The following OLFML2B variants were observed in gnomAD, a reference collection of about 807,000 sequenced individuals.
OLFML2B encodes the protein olfactomedin-like protein 2B.
In OLFML2B, 57 loss-of-function variants were observed where a neutral mutation model predicts 74.9. The ratio of observed to expected loss-of-function variants is 0.76; its 90% CI spans 0.61 to 0.95. The LOEUF is 0.95. OLFML2B is among the 40% of genes least tolerant of loss of function. The pLI is 0.00. For synonymous variants in OLFML2B, 388 were observed against 405.8 expected, an observed-to-expected ratio of 0.96 and a Z score of 0.53; for missense variants, 986 against 970.6, an observed-to-expected ratio of 1.02 and a Z score of -0.21.
At chr1:161,985,874 G>C (rs1386303331) in intron 6 of OLFML2B, among the ~76,000 whole-genome samples, 1 of 152,206 alleles carries the variant, frequency 6.6e-6, no homozygotes, top group African/African-American at 2.4e-5. Context: ...ACGTCCTTCT[G>C]AGTGGCTCTG....
chr1:161,991,751 T>A (rs1689748718), intron 6 of OLFML2B, among the ~76,000 whole-genome samples: 1 of 152,224 alleles, frequency 6.6e-6, no homozygotes, highest in Non-Finnish European at 1.5e-5. Context: ...ATAATTTCTT[T>A]TTCTGAGCAG....
At chr1:161,994,534 G>C (rs1312153940) in intron 6 of OLFML2B, among the ~76,000 whole-genome samples, 1 of 152,196 alleles carries the variant, frequency 6.6e-6, no homozygotes, top group Non-Finnish European at 1.5e-5. Flanking sequence ...AAATGCATCA[G>C]GAATTGTAGT....
At chr1:161,988,163 T>A (rs555399352) in intron 6 of OLFML2B, among the ~76,000 whole-genome samples, 20 of 152,320 alleles carry the variant, frequency 1.3e-4, no homozygotes, top group African/African-American at 4.8e-4. Flanking sequence ...AGGATGCCGG[T>A]GACACTGACA....
At chr1:162,005,310 C>G (rs4657133) in intron 4 of OLFML2B, among the ~76,000 whole-genome samples, 1 of 152,180 alleles carries the variant, frequency 6.6e-6, no homozygotes, top group Non-Finnish European at 1.5e-5. Context: ...TGGGTAACTT[C>G]GTGCTAGGGA....
rs1346925350 is a variant in OLFML2B, at chr1:161,983,897, G to A, written c.2031C>T (p.Phe677=). Residue 677 remains phenylalanine, a synonymous_variant, in exon 8 of 8, where the codon TTC becomes TTT. Coordinates refer to ENST00000294794, the MANE Select transcript of OLFML2B (RefSeq NM_015441.3). Reference sequence around the variant, plus strand: ...CGGCATACAGCACCCCACAGATGACGAAGCAGTTGCCGTAGAAATTCCTCC... The same window carrying A: ...CGGCATACAGCACCCCACAGATGACAAAGCAGTTGCCGTAGAAATTCCTCC... ...GLRRNFYGNC[F]VICGVLYAVD... is the part of the protein sequence containing the mutation. 7 of 1,614,094 alleles carry A rather than the reference G, an allele frequency of 4.3e-6. No homozygotes were observed. In the African/African-American group the frequency reaches 5.3e-5, roughly 12 times the overall value.
intron 6 of OLFML2B, chr1:161,985,297 T>C (rs575844865): frequency 6.0e-4 from 145 of 240,710 alleles, no homozygotes; most frequent in African/African-American, 3.1e-3. Context: ...CATGCCCTCC[T>C]CTGGAGAACT....
chr1:162,023,138 C>T (rs1241101738), intron 1 of OLFML2B, 119 bp downstream of exon 1: 1 of 942,664 alleles, frequency 1.1e-6, no homozygotes, highest in Non-Finnish European at 1.5e-6. Flanking sequence ...AAATCAAAAG[C>T]CCTTTCCATT....
chr1:161,992,103 A>G (rs1689758172), intron 6 of OLFML2B, among the ~76,000 whole-genome samples: 2 of 152,252 alleles, frequency 1.3e-5, no homozygotes, highest in Non-Finnish European at 2.9e-5. Flanking sequence ...ACCTTCATCA[A>G]CAATCTTAGC....
chr1:162,017,504 A>C lies in OLFML2B; in HGVS notation c.442T>G (p.Ser148Ala). 1 of 1,610,008 alleles carries C rather than the reference A, an allele frequency of 6.2e-7. No individual in the cohort carries two copies. Among genetic ancestry groups the C allele is most frequent in the Non-Finnish European group, 8.5e-7 (1 of 1,178,258 alleles). ...READSQDLKLSTIIDMLEGAF... is the reference protein window; with the variant it reads ...READSQDLKLATIIDMLEGAF... ...CCTTCCAACATGTCTATGATTGTGG[A>C]GAGCTATGAAACAAGGCAAGGGGTT... Residue 148 changes from serine to alanine, a missense_variant, in exon 3 of 8, where the codon TCC (serine) becomes GCC (alanine). Physicochemically the swap from Ser to Ala is moderately conservative, Grantham distance 99. Coordinates refer to ENST00000294794, the MANE Select transcript of OLFML2B (RefSeq NM_015441.3).
At chr1:161,985,228 G>C (rs1689559560) in intron 6 of OLFML2B, 1 of 409,368 alleles carries the variant, frequency 2.4e-6, no homozygotes, top group African/African-American at 2.0e-5. Context: ...CTTTGCTCCT[G>C]TTCTGACTTC....
At position 162,020,100 on chromosome 1, in the gene OLFML2B, C is replaced by T. The variant is rs375915194; in HGVS notation, c.257G>A (p.Arg86Gln). Residue 86 changes from arginine to glutamine, a missense_variant, in exon 2 of 8, where the codon CGG (arginine) becomes CAG (glutamine). Coordinates refer to ENST00000294794, the MANE Select transcript of OLFML2B (RefSeq NM_015441.3). The part of the protein sequence containing the change: ...QCKCVVRPLG[R>Q]DACQRINAGA... ...CGCATTGATCCTCTGGCAGGCATCC[C>T]GGCCCAGGGGTCTCACCACACACTT... is the stretch of plus-strand genomic sequence containing the variant. 1.5e-4 allele frequency: 235 copies of T among 1,614,060 alleles called. 1 individual carries two copies. The highest frequency in any genetic ancestry group is 2.1e-4 in the African/African-American group (16 of 74,912).
chr1:162,009,965 CT>C lies in OLFML2B; in HGVS notation c.547-3493del, dbSNP rs550015982. 7.9e-5 allele frequency among the ~76,000 whole-genome samples: 12 copies of C among 152,370 alleles called. No homozygotes were observed. The South Asian group carries it at 2.3e-3, about 29-fold the overall frequency. On this transcript the variant is annotated intron_variant, in intron 3 of 7. Transcript: ENST00000294794. ...GACCTCATGCCTCAGGCTCTTCCCC[CT>C]GGGACAGCTGCAACCATGACATTTC...
rs1397019717 is a variant in OLFML2B, at chr1:161,983,736, C to T, written c.2192G>A (p.Arg731His). 3.1e-6 allele frequency: 5 copies of T among 1,613,824 alleles called. No individual in the cohort carries two copies. The highest frequency in any genetic ancestry group is 1.1e-5 in the South Asian group (1 of 91,062). Residue 731 changes from arginine (R) to histidine (H), a missense_variant, in exon 8 of 8, where the codon CGC (arginine) becomes CAC (histidine). Coordinates refer to ENST00000294794, the MANE Select transcript of OLFML2B (RefSeq NM_015441.3). ...TTQIDYNPKD[R>H]LLYAWDNGHQ... is the part of the protein sequence containing the mutation. ...GCCATTGTCCCAGGCATAGAGCAGG[C>T]GGTCCTTGGGGTTGTAGTCTATCTG...
chr1:162,016,137 G>A (rs1248868923), intron 3 of OLFML2B, among the ~76,000 whole-genome samples: 1 of 152,208 alleles, frequency 6.6e-6, no homozygotes, highest in Non-Finnish European at 1.5e-5. Flanking sequence ...CTTTGTGCCA[G>A]CTATCCTGGC....
intron 4 of OLFML2B, among the ~76,000 whole-genome samples, chr1:162,002,596 A>T (rs1243347818): frequency 6.6e-6 from 1 of 152,154 alleles, no homozygotes; most frequent in African/African-American, 2.4e-5. Flanking sequence ...ACCCCCAAGG[A>T]CACCCCCAAG....
At chr1:161,993,147 G>C (rs149471522) in intron 6 of OLFML2B, among the ~76,000 whole-genome samples, 1 of 152,148 alleles carries the variant, frequency 6.6e-6, no homozygotes, top group Non-Finnish European at 1.5e-5. Flanking sequence ...TTTACTACTC[G>C]GCATGGCACT....
intron 3 of OLFML2B, among the ~76,000 whole-genome samples, chr1:162,011,284 T>G (rs556621078): frequency 3.7e-4 from 56 of 152,118 alleles, no homozygotes; most frequent in Non-Finnish European, 6.3e-4. Flanking sequence ...AAGATACAGA[T>G]GGCAAGCCCA....
rs754774247 is a variant in OLFML2B, at chr1:162,023,261, G to A, written c.170C>T (p.Ser57Phe). 43 of 1,538,546 alleles carry A rather than the reference G, an allele frequency of 2.8e-5. No homozygotes were observed. The highest frequency in any genetic ancestry group is 5.6e-5 in the Admixed American group (3 of 53,636). Residue 57 changes from serine to phenylalanine, a missense_variant, in exon 1 of 8, where the codon TCT becomes TTT. Transcript: ENST00000294794. ...NEADNQENVL[S>F]QLLGDYDKVK... ...TCGTGGCACTCTGCATCCTACCTGA[G>A]ATAAAACGTTCTCCTGGTTGTCCGC...
chr1:162,010,976 G>C (rs912800980), intron 3 of OLFML2B, among the ~76,000 whole-genome samples: 8 of 152,102 alleles, frequency 5.3e-5, no homozygotes, highest in Admixed American at 2.6e-4. Flanking sequence ...TGAAGCTGGA[G>C]TGGGAGGGAC....
Sources: allele counts gnomAD v4.1 joint callset (sites outside exome capture counted in the v4.1 genomes callset), GRCh38; gene constraint gnomAD v4.1.1; transcripts MANE v1.5; gene names NCBI Gene and HGNC (gene_info 2026-07-23, HGNC 2026-07-21).